Variants in MBNL1 observed in about 807,000 individuals in gnomAD.
MBNL1 encodes muscleblind like splicing regulator 1.
MBNL1 carries 8 observed loss-of-function variants against 42.2 expected under a neutral mutation model. The observed-to-expected ratio is 0.19, with a 90% CI of 0.11 to 0.34. MBNL1 has a LOEUF of 0.34. Among genes scored for constraint, MBNL1 ranks in the 10% least tolerant of loss-of-function variants. The pLI, the probability that MBNL1 is intolerant of heterozygous loss-of-function variation, is 1.00. For missense variants in MBNL1, 309 were observed against 495.3 expected, an observed-to-expected ratio of 0.62 and a Z score of 3.57; for synonymous variants, 169 against 173.9, an observed-to-expected ratio of 0.97 and a Z score of 0.22.
Position 152,465,767 on chromosome 3 carries a change from C to T in MBNL1, c.*3401C>T, listed in dbSNP as rs1560731120. On this transcript the variant is annotated 3_prime_UTR_variant, in exon 10 of 10. Transcript: ENST00000324210. ...AAGTGAAATTGCCCTAATAAAACTT[C>T]TCTTTCTTAAGTATATTCGTGTATC... 1 of 152,262 alleles carries T rather than the reference C, an allele frequency of 6.6e-6. No individual in the cohort carries two copies. Among genetic ancestry groups the T allele is most frequent in the African/African-American group, 2.4e-5 (1 of 41,446 alleles). The allele number at this position is 152,262 out of a possible 1,614,324, so 9.4% of individuals were successfully genotyped here.
chr3:152,460,584 T>G (rs1332975982), intron 9 of MBNL1, among the ~76,000 whole-genome samples: 2 of 149,280 alleles, frequency 1.3e-5, no homozygotes, highest in East Asian at 3.9e-4. Flanking sequence ...CTGCACAATG[T>G]GCACATGTAC....
chr3:152,445,064 A>G (rs1372623524), intron 4 of MBNL1, among the ~76,000 whole-genome samples: 1 of 152,214 alleles, frequency 6.6e-6, no homozygotes, highest in Non-Finnish European at 1.5e-5. Flanking sequence ...CATAATTAAC[A>G]TTATACATGC....
chr3:152,457,934 AAAG>A, intron 8 of MBNL1: 1 of 491,954 alleles, frequency 2.0e-6, no homozygotes, highest in Non-Finnish European at 3.6e-6. Context: ...CAACCAAAAG[AAAG>A]AAAAGGGAAT....
intron 3 of MBNL1, among the ~76,000 whole-genome samples, chr3:152,421,539 G>A (rs1580113246): frequency 6.6e-6 from 1 of 152,208 alleles, no homozygotes; most frequent in African/African-American, 2.4e-5. Flanking sequence ...TGTAAACAAA[G>A]CCGCTGATAA....
intron 2 of MBNL1, among the ~76,000 whole-genome samples, chr3:152,369,850 G>A (rs1483656335): frequency 6.6e-6 from 1 of 152,160 alleles, no homozygotes; most frequent in East Asian, 1.9e-4. Context: ...TGGGATCAGT[G>A]ATGATATCCC....
chr3:152,325,227 G>C lies in MBNL1; in HGVS notation c.174+24860G>C, dbSNP rs552657026. Reference sequence around the variant, plus strand: ...GCTCATACATTCCCTCCTCTAGAAAGCTTCTCCTCACTCTAGACCTGGCCA... The same window carrying C: ...GCTCATACATTCCCTCCTCTAGAAACCTTCTCCTCACTCTAGACCTGGCCA... On this transcript the variant is annotated intron_variant, in intron 2 of 9. Transcript: ENST00000324210. Among the ~76,000 whole-genome samples the C allele has an allele frequency of 9.2e-5, 14 of 151,624 alleles. No individual in the cohort carries two copies. In the East Asian group the frequency reaches 1.9e-3, roughly 21 times the overall value.
In MBNL1 at chr3:152,332,675, T is replaced by C. The variant is rs370934144; in HGVS notation, c.174+32308T>C. On this transcript the variant is annotated intron_variant, in intron 2 of 9. Transcript: ENST00000324210. ...CCTTCACCATAAGAGTATTTTCTCT[T>C]TGAAGTTTTCATGGTTTTGTGTGTG... is the stretch of plus-strand genomic sequence containing the variant. Among the ~76,000 whole-genome samples the C allele has an allele frequency of 1.1e-3, 166 of 151,084 alleles. No homozygotes were observed. The South Asian group carries it at 0.018, about 17-fold the overall frequency.
At chr3:152,353,669 T>TG (rs2095280013) in intron 2 of MBNL1, among the ~76,000 whole-genome samples, 1 of 103,414 alleles carries the variant, frequency 9.7e-6, no homozygotes, top group African/African-American at 4.2e-5. Context: ...TCTCAACAAA[T>TG]CCTTTTTTTT....
At chr3:152,268,656 C>A (rs766419839), upstream of MBNL1, 1 of 418,058 alleles carries the variant, frequency 2.4e-6, no homozygotes, top group South Asian at 1.7e-5. Flanking sequence ...CCCGCGCGGG[C>A]TCCGGCTTCC....
upstream of MBNL1, chr3:152,268,739 C>T (rs748445657): frequency 4.4e-6 from 2 of 454,564 alleles, no homozygotes; most frequent in African/African-American, 4.0e-5. Context: ...ACAGGCGACC[C>T]TGTGGCCCGG....
intron 2 of MBNL1, among the ~76,000 whole-genome samples, chr3:152,336,833 C>T (rs1204258236): frequency 6.6e-6 from 1 of 152,132 alleles, no homozygotes; most frequent in Non-Finnish European, 1.5e-5. Context: ...AAATAGACTA[C>T]TGTTACTATT....
chr3:152,333,529 A>G (rs1331918321), intron 2 of MBNL1, among the ~76,000 whole-genome samples: 1 of 152,190 alleles, frequency 6.6e-6, no homozygotes, highest in Non-Finnish European at 1.5e-5. Flanking sequence ...GCATAAAACC[A>G]CAATTTCAGG....
intron 4 of MBNL1, among the ~76,000 whole-genome samples, chr3:152,435,577 G>A (rs2099068259): frequency 6.6e-6 from 1 of 152,096 alleles, no homozygotes; most frequent in African/African-American, 2.4e-5. Context: ...ATTCTGTGAA[G>A]AATGTCATTG....
At chr3:152,268,822 G>T (rs1451988870), upstream of MBNL1, 7 of 453,034 alleles carry the variant, frequency 1.5e-5, no homozygotes, top group Non-Finnish European at 2.7e-5. Context: ...GGAGCTCGAC[G>T]AGTCCGCCCT....
At chr3:152,373,213 A>G (rs960836068) in intron 2 of MBNL1, among the ~76,000 whole-genome samples, 3 of 152,152 alleles carry the variant, frequency 2.0e-5, no homozygotes, top group African/African-American at 4.8e-5. Flanking sequence ...ATTTCAAGCC[A>G]GTGGATTTTA....
chr3:152,297,813 G>A (rs1007713501), intron 1 of MBNL1, among the ~76,000 whole-genome samples: 5 of 151,802 alleles, frequency 3.3e-5, no homozygotes, highest in Non-Finnish European at 2.9e-5. Context: ...CCACCACCAC[G>A]CCCAGCTAAT....
intron 2 of MBNL1, among the ~76,000 whole-genome samples, chr3:152,336,954 T>A (rs6440798): frequency 0.75 from 114,258 of 151,604 alleles, 43,370 homozygotes; most frequent in African/African-American, 0.82. Context: ...TTTACTAATT[T>A]CAAGTATAAA....
rs2060480526 is a variant in MBNL1, at chr3:152,300,934, C to T, written c.174+567C>T. 15 of 983,974 alleles carry T rather than the reference C, an allele frequency of 1.5e-5. No individual in the cohort carries two copies. In the South Asian group the frequency reaches 5.6e-4, roughly 37 times the overall value. 61.0% of individuals were successfully genotyped at this position (983,974 alleles called of 1,614,324 possible). A position where few individuals can be genotyped will look rare whatever the true frequency, so the allele number is the denominator to read the frequency against. ...TAACTAGAAGTAAGGTGCTGAACTG[C>T]TGCTACAGCACCTTACCTGAGGCAC... On this transcript the variant is annotated intron_variant, in intron 2 of 9. Coordinates refer to ENST00000324210, the MANE Select transcript of MBNL1 (RefSeq NM_021038.5).
intron 1 of MBNL1, among the ~76,000 whole-genome samples, chr3:152,270,844 A>G (rs1472819884): frequency 1.3e-5 from 2 of 152,174 alleles, no homozygotes; most frequent in Non-Finnish European, 2.9e-5. Flanking sequence ...ATGTAGGCAT[A>G]GCTTTTTTAG....
Sources: allele counts gnomAD v4.1 joint callset (sites outside exome capture counted in the v4.1 genomes callset), GRCh38; gene constraint gnomAD v4.1.1; transcripts MANE v1.5; gene names NCBI Gene and HGNC (gene_info 2026-07-23, HGNC 2026-07-21).